The following USP28 variants were observed in gnomAD, a reference collection of about 807,000 sequenced individuals.
The protein encoded by USP28 is ubiquitin carboxyl-terminal hydrolase 28.
In USP28, 113 loss-of-function variants were observed where a neutral mutation model predicts 145.0. The ratio of observed to expected loss-of-function variants is 0.78; its 90% CI spans 0.67 to 0.91. The LOEUF is 0.91. Ranked by LOEUF, USP28 falls within the 40% of genes least tolerant of loss-of-function variation. USP28 has a pLI of 0.00. For missense variants in USP28, 1,201 were observed against 1,289.6 expected, an observed-to-expected ratio of 0.93 and a Z score of 1.05; for synonymous variants, 447 against 450.9, an observed-to-expected ratio of 0.99 and a Z score of 0.11.
At position 113,854,253 on chromosome 11, in the gene USP28, C is replaced by A. The variant is rs1225032740; in HGVS notation, c.135+5G>T. On this transcript the variant is annotated splice_donor_5th_base_variant and intron_variant, in intron 2 of 24. Transcript: ENST00000003302. The stretch of plus-strand genomic sequence containing the variant: ...CTCCTGACTAACAGAGATCTGGAAA[C>A]CAACCTTCAGAGCTTCATGGAGAAA... 4 of 1,612,558 alleles carry A rather than the reference C, an allele frequency of 2.5e-6. No individual in the cohort carries two copies. The highest frequency in any genetic ancestry group is 2.5e-6 in the Non-Finnish European group (3 of 1,179,494).
Position 113,824,931 on chromosome 11 carries a change from TA to T in USP28, c.1188-1232del, listed in dbSNP as rs751056158. On this transcript the variant is annotated intron_variant, in intron 11 of 24. Transcript: ENST00000003302. ...GGGCAACAAGAGCGAAACTCCGTCT[TA>T]AAAAAAAAAAAAAAAAAAGATGTCA... Among the ~76,000 whole-genome samples the T allele has an allele frequency of 5.9e-3, 700 of 118,390 alleles. 6 individuals are homozygous for T. Among genetic ancestry groups the T allele is most frequent in the African/African-American group, 0.019 (588 of 30,532 alleles). 77.7% of individuals were successfully genotyped at this position (118,390 alleles called of 152,430 possible). A position where few individuals can be genotyped will look rare whatever the true frequency, so the allele number is the denominator to read the frequency against.
At chr11:113,862,404 C>G (rs1255327056) in intron 1 of USP28, among the ~76,000 whole-genome samples, 1 of 152,142 alleles carries the variant, frequency 6.6e-6, no homozygotes, top group Non-Finnish European at 1.5e-5. Context: ...ACAAAGGGTT[C>G]TAAATGTCAG....
intron 5 of USP28, among the ~76,000 whole-genome samples, chr11:113,837,904 C>G (rs1944746436): frequency 6.6e-6 from 1 of 152,158 alleles, no homozygotes; most frequent in Non-Finnish European, 1.5e-5. Context: ...CTCCCACCAT[C>G]TCCAACAACT....
chr11:113,819,270 G>A (rs1291426264), intron 12 of USP28, among the ~76,000 whole-genome samples: 1 of 151,850 alleles, frequency 6.6e-6, no homozygotes, highest in Admixed American at 6.6e-5. Context: ...GCGATGCCAC[G>A]CCCAGCTAAT....
intron 1 of USP28, among the ~76,000 whole-genome samples, chr11:113,856,833 C>T (rs755982916): frequency 6.6e-5 from 10 of 152,112 alleles, no homozygotes; most frequent in Admixed American, 2.6e-4. Flanking sequence ...CTGCCTCAGC[C>T]TCCCAAAGTG....
At chr11:113,871,078 A>G (rs751781146) in intron 1 of USP28, among the ~76,000 whole-genome samples, 1 of 152,228 alleles carries the variant, frequency 6.6e-6, no homozygotes, top group Non-Finnish European at 1.5e-5. Flanking sequence ...GAGTGGGGGT[A>G]CAGGCAGTGG....
chr11:113,838,835 A>G (rs1944873951), intron 5 of USP28, among the ~76,000 whole-genome samples: 1 of 152,238 alleles, frequency 6.6e-6, no homozygotes, highest in South Asian at 2.1e-4. Context: ...AGAGCCTAAG[A>G]CAGTGCCAGG....
intron 3 of USP28, among the ~76,000 whole-genome samples, chr11:113,847,472 A>G (rs1302291172): frequency 6.6e-6 from 1 of 151,872 alleles, no homozygotes; most frequent in East Asian, 1.9e-4. Flanking sequence ...CGGGGTGGAG[A>G]TTTATAAATA....
At chr11:113,823,993 C>CT (rs1943003149) in intron 11 of USP28, among the ~76,000 whole-genome samples, 1 of 151,986 alleles carries the variant, frequency 6.6e-6, no homozygotes, top group South Asian at 2.1e-4. Flanking sequence ...GTAAAGCTGC[C>CT]TTTTAGTTCC....
At chr11:113,799,168 C>A in exon 25 of USP28, 1 of 1,517,204 alleles carries the variant, frequency 6.6e-7, no homozygotes, top group Non-Finnish European at 8.9e-7. Context: ...CCAAGGTGAG[C>A]ACTATGACAA....
chr11:113,827,346 C>T, exon 11 of USP28: 1 of 1,599,426 alleles, frequency 6.3e-7, no homozygotes, highest in South Asian at 1.1e-5. Context: ...CTGGAGGTAG[C>T]TTTGTAAACC....
rs573702024 is a variant in USP28, at chr11:113,872,314, G to C, written c.57+3131C>G. On this transcript the variant is annotated intron_variant, in intron 1 of 24. Coordinates refer to ENST00000003302, the Ensembl canonical transcript of USP28. ...ATCCTGGCGAACACTGTGAAACCCC[G>C]TCTCTACTAAAAATACAGAAACATC... Among the ~76,000 whole-genome samples the C allele has an allele frequency of 2.9e-3, 447 of 152,062 alleles. 2 individuals carry two copies. Among genetic ancestry groups the C allele is most frequent in the African/African-American group, 0.01 (435 of 41,484 alleles).
At chr11:113,860,996 T>TAGTCCCAGCTACTCGGC (rs1376509088) in intron 1 of USP28, among the ~76,000 whole-genome samples, 1 of 151,762 alleles carries the variant, frequency 6.6e-6, no homozygotes, top group African/African-American at 2.4e-5. Flanking sequence ...CAGGCACCGG[T>TAGTCCCAGCTACTCGGC]AGTCCCAGCT....
chr11:113,854,343 T>C lies in USP28; in HGVS notation c.58-8A>G. ...TAACAGCATTTGGCAGCTCTATATT[T>C]GCAAAACAAAAAAACCACAAACATG... is the stretch of plus-strand genomic sequence containing the variant. On this transcript the variant is annotated splice_region_variant and splice_polypyrimidine_tract_variant and intron_variant, in intron 1 of 24. Coordinates refer to ENST00000003302, the Ensembl canonical transcript of USP28. 9 of 1,612,728 alleles carry C rather than the reference T, an allele frequency of 5.6e-6. No individual in the cohort carries two copies. Among genetic ancestry groups the C allele is most frequent in the Middle Eastern group, 1.7e-4 (1 of 6,046 alleles).
exon 25 of USP28, chr11:113,799,124 GATCGGAATCTTATGTGCCCACCTA>G: frequency 8.4e-7 from 1 of 1,186,974 alleles, no homozygotes; most frequent in Non-Finnish European, 1.2e-6. Context: ...GTTGGGGTCT[GATCGGAATCTTATGTGCCCACCTA>G]ATCCTTTTCC....
At chr11:113,858,184 G>C (rs1023500026) in intron 1 of USP28, among the ~76,000 whole-genome samples, 3 of 152,098 alleles carry the variant, frequency 2.0e-5, no homozygotes, top group African/African-American at 7.2e-5. Flanking sequence ...TTTTTTTAAA[G>C]GCTACTGGGT....
intron 14 of USP28, among the ~76,000 whole-genome samples, chr11:113,814,312 G>A (rs1369832181): frequency 1.3e-5 from 2 of 152,092 alleles, no homozygotes; most frequent in Non-Finnish European, 2.9e-5. Context: ...TCTCTGAATA[G>A]GAATCTGGGA....
intron 3 of USP28, among the ~76,000 whole-genome samples, chr11:113,842,262 C>A (rs1190866724): frequency 6.6e-6 from 1 of 151,196 alleles, no homozygotes; most frequent in African/African-American, 2.4e-5. Flanking sequence ...CAAATAGAAC[C>A]CAATAATATA....
rs1263702808 is a variant in USP28 at position 113,803,221 on chromosome 11, C to G, written c.2799G>C (p.Met933Ile). The G allele has an allele frequency of 1.2e-6, 2 of 1,614,040 alleles. No homozygotes were observed. The highest frequency in any genetic ancestry group is 4.5e-5 in the East Asian group (2 of 44,896). ...CTTTGACCCCCCGGCGGGGCCCCTT[C>G]ATCAGCAGGGCAGCATTGCTCTGGT... is the stretch of plus-strand genomic sequence containing the variant. The change falls in exon 23 of 25, where the codon ATG (methionine) becomes ATC (isoleucine). Residue 933 changes from methionine (M) to isoleucine (I), a missense_variant. Coordinates refer to ENST00000003302, the Ensembl canonical transcript of USP28.
Sources: allele counts gnomAD v4.1 joint callset (sites outside exome capture counted in the v4.1 genomes callset), GRCh38; gene constraint gnomAD v4.1.1; transcripts MANE v1.5; gene names NCBI Gene and HGNC (gene_info 2026-07-23, HGNC 2026-07-21).